The following PLXDC2 variants were observed in gnomAD, a reference collection of about 807,000 sequenced individuals.
The protein encoded by PLXDC2 is plexin domain containing 2.
Under a neutral mutation model 68.9 loss-of-function variants are expected in PLXDC2, and 40 were observed. The ratio of observed to expected loss-of-function variants is 0.58; its 90% CI spans 0.45 to 0.76. The LOEUF (loss-of-function observed/expected upper bound fraction) is 0.76, where lower values mean the gene tolerates loss of function less well. Ranked by LOEUF, PLXDC2 falls within the 30% of genes least tolerant of loss-of-function variation. PLXDC2 has a pLI of 0.00. For synonymous variants in PLXDC2, 243 were observed against 234.2 expected, an observed-to-expected ratio of 1.04 and a Z score of -0.34; for missense variants, 644 against 661.9, an observed-to-expected ratio of 0.97 and a Z score of 0.30.
At chr10:20,136,995 G>A (rs549015959) in intron 4 of PLXDC2, among the ~76,000 whole-genome samples, 10 of 152,300 alleles carry the variant, frequency 6.6e-5, no homozygotes, top group Admixed American at 1.3e-4. Flanking sequence ...AATGTAAGGA[G>A]AAATATATCA....
intron 1 of PLXDC2, among the ~76,000 whole-genome samples, chr10:19,938,518 G>T (rs1297821095): frequency 6.6e-6 from 1 of 151,952 alleles, no homozygotes; most frequent in Non-Finnish European, 1.5e-5. Flanking sequence ...TTTGGCGGGG[G>T]GCTATACAAT....
chr10:20,148,610 T>C (rs1473144239), intron 6 of PLXDC2, among the ~76,000 whole-genome samples: 1 of 152,206 alleles, frequency 6.6e-6, no homozygotes, highest in Non-Finnish European at 1.5e-5. Context: ...GTAAGGCCTG[T>C]TGGACTAAGA....
intron 4 of PLXDC2, among the ~76,000 whole-genome samples, chr10:20,069,480 G>A (rs1263017898): frequency 1.3e-5 from 2 of 152,110 alleles, no homozygotes; most frequent in Non-Finnish European, 2.9e-5. Flanking sequence ...AACACTGTGA[G>A]ACCCTATATC....
At chr10:20,269,713 T>C (rs1227776287) in intron 13 of PLXDC2, among the ~76,000 whole-genome samples, 2 of 151,956 alleles carry the variant, frequency 1.3e-5, no homozygotes, top group Non-Finnish European at 2.9e-5. Context: ...GAATCAGTGA[T>C]GTAATAAAGA....
chr10:20,125,262 GACTTA>G (rs1264431645), intron 4 of PLXDC2, among the ~76,000 whole-genome samples: 2 of 152,108 alleles, frequency 1.3e-5, no homozygotes, highest in Admixed American at 1.3e-4. Flanking sequence ...TGGAGATCTT[GACTTA>G]ACTTACTAAC....
chr10:20,180,463 G>GC (rs1834588266), intron 9 of PLXDC2, among the ~76,000 whole-genome samples: 2 of 151,902 alleles, frequency 1.3e-5, no homozygotes, highest in Admixed American at 1.3e-4. Flanking sequence ...TTGCTTTGCT[G>GC]CCCAGAAGCA....
chr10:19,988,179 T>C (rs1834680784), intron 1 of PLXDC2, among the ~76,000 whole-genome samples: 2 of 152,228 alleles, frequency 1.3e-5, no homozygotes, highest in Non-Finnish European at 2.9e-5. Context: ...AGCTCAATGA[T>C]TTTGAAAGCC....
At chr10:19,912,505 T>C (rs561691936) in intron 1 of PLXDC2, among the ~76,000 whole-genome samples, 1 of 152,158 alleles carries the variant, frequency 6.6e-6, no homozygotes, top group Non-Finnish European at 1.5e-5. Context: ...TACCTTATGA[T>C]ACATATGACT....
intron 1 of PLXDC2, among the ~76,000 whole-genome samples, chr10:19,879,536 C>A (rs1265033218): frequency 1.3e-5 from 2 of 152,062 alleles, no homozygotes; most frequent in African/African-American, 2.4e-5. Context: ...TCGACAAATA[C>A]CCTTGTTTAG....
chr10:20,257,831 A>G (rs193140541), intron 13 of PLXDC2, among the ~76,000 whole-genome samples: 114 of 151,918 alleles, frequency 7.5e-4, no homozygotes, highest in Middle Eastern at 6.8e-3. Flanking sequence ...TTTAATTTTT[A>G]TGGCTACATA....
At chr10:20,236,401 C>T (rs1348493198) in intron 12 of PLXDC2, among the ~76,000 whole-genome samples, 3 of 152,104 alleles carry the variant, frequency 2.0e-5, no homozygotes, top group Admixed American at 6.5e-5. Flanking sequence ...GCCGAGATCA[C>T]ACCACTGCAC....
chr10:20,012,584 C>A (rs140619150), intron 2 of PLXDC2, among the ~76,000 whole-genome samples: 19 of 151,830 alleles, frequency 1.3e-4, no homozygotes, highest in African/African-American at 3.9e-4. Context: ...CCTTGGCCTC[C>A]CAAAGTGCTG....
intron 1 of PLXDC2, among the ~76,000 whole-genome samples, chr10:19,934,296 A>C (rs1833688489): frequency 6.6e-6 from 1 of 152,260 alleles, no homozygotes; most frequent in South Asian, 2.1e-4. Context: ...AATGATAAGT[A>C]AAGAGTTGAA....
chr10:19,841,105 C>T (rs1334321866), intron 1 of PLXDC2, among the ~76,000 whole-genome samples: 2 of 152,200 alleles, frequency 1.3e-5, no homozygotes, highest in Admixed American at 1.3e-4. Flanking sequence ...AACCATGGAA[C>T]ATCAGTGTTC....
At chr10:20,048,639 A>G (rs1012782493) in intron 3 of PLXDC2, among the ~76,000 whole-genome samples, 1 of 152,132 alleles carries the variant, frequency 6.6e-6, no homozygotes, top group African/African-American at 2.4e-5. Flanking sequence ...GCCTAGTCCT[A>G]GTGTCAGCCA....
At chr10:19,914,332 T>C (rs892190476) in intron 1 of PLXDC2, among the ~76,000 whole-genome samples, 2 of 152,212 alleles carry the variant, frequency 1.3e-5, no homozygotes, top group Non-Finnish European at 1.5e-5. Flanking sequence ...TATGTAATCA[T>C]TGGGATTCCA....
rs1370965179 is a variant in PLXDC2, at chr10:20,285,572, G to A, written c.*5753G>A. 1.3e-5 allele frequency: 2 copies of A among 152,088 alleles called. No homozygotes were observed. Among genetic ancestry groups the A allele is most frequent in the East Asian group, 1.9e-4 (1 of 5,198 alleles). The allele number at this position is 152,088 out of a possible 1,614,324, so 9.4% of individuals were successfully genotyped here. On this transcript the variant is annotated 3_prime_UTR_variant, in exon 14 of 14. Coordinates refer to ENST00000377252, the MANE Select transcript of PLXDC2 (RefSeq NM_032812.9). ...CACTGCATGTCTGTGCTGTAGACCT[G>A]TTAATTTTATCTGTGAGAAAAAAAG...
intron 12 of PLXDC2, among the ~76,000 whole-genome samples, chr10:20,228,214 T>A (rs1464787793): frequency 1.3e-5 from 2 of 152,162 alleles, no homozygotes; most frequent in African/African-American, 4.8e-5. Flanking sequence ...CAGCAGCGTA[T>A]AAATGACAGT....
intron 4 of PLXDC2, among the ~76,000 whole-genome samples, chr10:20,100,483 C>T (rs1243216207): frequency 6.6e-6 from 1 of 151,946 alleles, no homozygotes. Flanking sequence ...GTACAATGAA[C>T]ATTGTGTTGT....
Sources: allele counts gnomAD v4.1 joint callset (sites outside exome capture counted in the v4.1 genomes callset), GRCh38; gene constraint gnomAD v4.1.1; transcripts MANE v1.5; gene names NCBI Gene and HGNC (gene_info 2026-07-23, HGNC 2026-07-21).